Variants in GNB1L observed in about 807,000 individuals in gnomAD.
The protein encoded by GNB1L is guanine nucleotide-binding protein subunit beta-like protein 1.
GNB1L carries 20 observed loss-of-function variants against 29.1 expected under a neutral mutation model. The observed-to-expected ratio is 0.69, with a 90% confidence interval of 0.48 to 1.00. The LOEUF is 1.00. Among genes scored for constraint, GNB1L ranks in the 50% least tolerant of loss-of-function variants. The pLI is 0.00. For missense variants in GNB1L, 421 were observed against 464.9 expected (o/e 0.91, Z 0.87); for synonymous variants, 193 against 206.5 (o/e 0.93, Z 0.56).
At chr22:19,795,138 A>C (rs1937292217) in intron 7 of GNB1L, among the ~76,000 whole-genome samples, 2 of 152,220 alleles carry the variant, frequency 1.3e-5, no homozygotes, top group Admixed American at 6.5e-5. Context: ...AGCCAACTTC[A>C]AGACAAAGAG....
chr22:19,821,178 C>T (rs371737713), intron 3 of GNB1L, 50 bp downstream of exon 3: 2 of 1,563,892 alleles, frequency 1.3e-6, no homozygotes, highest in Admixed American at 1.7e-5. Context: ...TAGCTCACGA[C>T]CTCCTGACTT....
intron 2 of GNB1L, chr22:19,852,426 G>A: frequency 1.4e-6 from 1 of 695,914 alleles, no homozygotes; most frequent in Non-Finnish European, 2.4e-6. Flanking sequence ...GACAGCTGCA[G>A]CCTCAGGAGA....
At chr22:19,854,333 C>T (rs560804335) in intron 2 of GNB1L, 110 bp downstream of exon 2, 1 of 152,716 alleles carries the variant, frequency 6.5e-6, no homozygotes, top group African/African-American at 2.4e-5. Flanking sequence ...AAAACCTGCC[C>T]AAAGCCTTAA....
intron 2 of GNB1L, among the ~76,000 whole-genome samples, chr22:19,822,391 G>A (rs1937586671): frequency 6.6e-6 from 1 of 152,164 alleles, no homozygotes; most frequent in Admixed American, 6.5e-5. Flanking sequence ...AGGCTTCCCG[G>A]GTCCGTGCCG....
chr22:19,851,794 G>C (rs764244158), intron 2 of GNB1L: 3 of 1,614,046 alleles, frequency 1.9e-6, no homozygotes, highest in Non-Finnish European at 2.5e-6. Context: ...CATCAAGGTA[G>C]GGGGCTGCCC....
At chr22:19,811,511 C>T (rs866797436) in intron 5 of GNB1L, among the ~76,000 whole-genome samples, 3 of 152,160 alleles carry the variant, frequency 2.0e-5, no homozygotes, top group African/African-American at 7.2e-5. Flanking sequence ...TCCAGCCACA[C>T]CCTCCTCCAC....
rs192911515 is a variant in GNB1L at position 19,820,498 on chromosome 22, C to T, written c.254+100G>A. The T allele has an allele frequency of 1.8e-3, 2,345 of 1,324,404 alleles. 4 individuals are homozygous for T. The highest frequency in any genetic ancestry group is 6.9e-3 in the Middle Eastern group (25 of 3,646). 82.0% of individuals were successfully genotyped at this position (1,324,404 alleles called of 1,614,324 possible). A position where few individuals can be genotyped will look rare whatever the true frequency, so the allele number is the denominator to read the frequency against. On this transcript the variant is annotated intron_variant, in intron 4 of 7. Coordinates refer to ENST00000329517, the MANE Select transcript of GNB1L (RefSeq NM_053004.3). ...CTTTGCTGGCCCCTTCTGGTTCCCC[C>T]ACCCCATTCTGCCCCTCAGTGGGGG...
At chr22:19,823,212 G>A (rs1937592773) in intron 2 of GNB1L, among the ~76,000 whole-genome samples, 1 of 152,178 alleles carries the variant, frequency 6.6e-6, no homozygotes, top group Non-Finnish European at 1.5e-5. Flanking sequence ...TTTTTGAGGG[G>A]GATGAGAGAG....
intron 2 of GNB1L, among the ~76,000 whole-genome samples, chr22:19,841,768 C>T (rs1021120249): frequency 1.3e-5 from 2 of 152,188 alleles, no homozygotes; most frequent in African/African-American, 2.4e-5. Context: ...AGTAGTTATT[C>T]GGTTAAGCAA....
In GNB1L at chr22:19,788,271, C is replaced by T; in HGVS notation, c.*438G>A. ...GGCCTATCATCTCCTGAGGCCTGGC[C>T]CAGGAAACCCACACTCGGGGTGGCC... On this transcript the variant is annotated 3_prime_UTR_variant, in exon 8 of 8. Coordinates refer to ENST00000329517, the MANE Select transcript of GNB1L (RefSeq NM_053004.3). 2 of 453,576 alleles carry T rather than the reference C, an allele frequency of 4.4e-6. No homozygotes were observed. The highest frequency in any genetic ancestry group is 7.9e-6 in the Non-Finnish European group (2 of 253,608). 28.1% of individuals were successfully genotyped at this position (453,576 alleles called of 1,614,324 possible). A position where few individuals can be genotyped will look rare whatever the true frequency, so the allele number is the denominator to read the frequency against.
At chr22:19,794,748 C>T (rs1012976476) in intron 7 of GNB1L, among the ~76,000 whole-genome samples, 26 of 152,180 alleles carry the variant, frequency 1.7e-4, no homozygotes, top group East Asian at 1.9e-4. Context: ...ATTGGGAGGC[C>T]GAGGCAGACG....
At chr22:19,820,207 T>C (rs1937567067) in intron 4 of GNB1L, among the ~76,000 whole-genome samples, 1 of 152,094 alleles carries the variant, frequency 6.6e-6, no homozygotes, top group Non-Finnish European at 1.5e-5. Context: ...CTTCATCCCA[T>C]TCCCCTCCTC....
At chr22:19,819,326 A>T (rs925685282) in intron 4 of GNB1L, among the ~76,000 whole-genome samples, 3 of 152,192 alleles carry the variant, frequency 2.0e-5, no homozygotes, top group African/African-American at 4.8e-5. Flanking sequence ...ATGCAGGAGG[A>T]TGGTGCGACA....
intron 2 of GNB1L, among the ~76,000 whole-genome samples, chr22:19,844,242 G>A (rs564407555): frequency 1.3e-5 from 2 of 152,340 alleles, no homozygotes; most frequent in South Asian, 2.1e-4. Context: ...GGCGTGATTC[G>A]TTCCCGAGCA....
chr22:19,804,031 T>C (rs1047847473), intron 6 of GNB1L, among the ~76,000 whole-genome samples: 1 of 152,262 alleles, frequency 6.6e-6, no homozygotes, highest in Non-Finnish European at 1.5e-5. Flanking sequence ...CTGACCCGCC[T>C]GTCGTGGTGC....
Position 19,820,658 on chromosome 22 carries a change from C to T in GNB1L, c.194G>A (p.Gly65Asp). The T allele has an allele frequency of 1.2e-6, 2 of 1,613,502 alleles. No homozygotes were observed. The highest frequency in any genetic ancestry group is 1.7e-6 in the Non-Finnish European group (2 of 1,179,882). The change falls in exon 4 of 8, where the codon GGC becomes GAC. Residue 65 changes from glycine to aspartate, a missense_variant. By Grantham distance (94) the Gly-to-Asp change is moderately conservative (BLOSUM62 -1). Coordinates refer to ENST00000329517, the MANE Select transcript of GNB1L (RefSeq NM_053004.3). ...QTRRAVTTLD[G>D]HGGQCVTWLQ... ...CCAGGTCACACACTGGCCGCCGTGG[C>T]CATCCAGGGTGGTAACCGCTCTCCG...
intron 6 of GNB1L, among the ~76,000 whole-genome samples, chr22:19,804,921 C>T (rs1449434914): frequency 6.6e-6 from 1 of 152,240 alleles, no homozygotes; most frequent in Non-Finnish European, 1.5e-5. Flanking sequence ...ACTCGGACAC[C>T]CTTCCCCAGG....
chr22:19,848,937 C>G, intron 2 of GNB1L: 1 of 985,518 alleles, frequency 1.0e-6, no homozygotes, highest in Non-Finnish European at 1.2e-6. Flanking sequence ...TAGAGAGCAA[C>G]TCTGGGTTCT....
intron 2 of GNB1L, among the ~76,000 whole-genome samples, chr22:19,824,567 ACCC>A (rs1937604467): frequency 6.6e-6 from 1 of 152,034 alleles, no homozygotes; most frequent in Non-Finnish European, 1.5e-5. Context: ...AGCCACAAAC[ACCC>A]CTGAAAGCCC....
Sources: allele counts gnomAD v4.1 joint callset (sites outside exome capture counted in the v4.1 genomes callset), GRCh38; gene constraint gnomAD v4.1.1; transcripts MANE v1.5; gene names NCBI Gene and HGNC (gene_info 2026-07-23, HGNC 2026-07-21).